CAMKMT: variants seen among roughly 807,000 people sequenced by gnomAD.
The protein encoded by CAMKMT is calmodulin-lysine N-methyltransferase.
A neutral mutation model predicts 48.0 loss-of-function variants in CAMKMT; 53 were observed. That is an observed-to-expected ratio of 1.10 (90% confidence interval 0.89 to 1.39). The LOEUF is 1.39. Among genes scored for constraint, CAMKMT ranks in the 40% most tolerant of loss-of-function variants. The pLI is 0.00. For synonymous variants in CAMKMT, 165 were observed against 152.3 expected (o/e 1.08, Z -0.61); for missense variants, 428 against 402.7 (o/e 1.06, Z -0.54).
Position 44,580,602 on chromosome 2 carries a change from C to T in CAMKMT, c.377-123681C>T, listed in dbSNP as rs1270042265. Among the ~76,000 whole-genome samples the T allele has an allele frequency of 2.6e-5, 4 of 152,152 alleles. No individual in the cohort carries two copies. The East Asian group carries it at 5.8e-4, about 22-fold the overall frequency. Reference sequence around the variant, plus strand: ...TAGGGCCACTAACATAGAAAAATTTCTCAGCTACAGTGTCAAAAGAATAGG... The same window carrying T: ...TAGGGCCACTAACATAGAAAAATTTTTCAGCTACAGTGTCAAAAGAATAGG... On this transcript the variant is annotated intron_variant, in intron 3 of 10. Coordinates refer to ENST00000378494, the MANE Select transcript of CAMKMT (RefSeq NM_024766.5).
At chr2:44,746,191 G>A (rs1357106952) in intron 8 of CAMKMT, among the ~76,000 whole-genome samples, 1 of 152,162 alleles carries the variant, frequency 6.6e-6, no homozygotes, top group Non-Finnish European at 1.5e-5. Flanking sequence ...CAAATATTAG[G>A]TACATGGATT....
intron 7 of CAMKMT, among the ~76,000 whole-genome samples, chr2:44,728,700 A>C (rs1277095370): frequency 6.6e-6 from 1 of 152,160 alleles, no homozygotes; most frequent in East Asian, 1.9e-4. Context: ...ATTTGTATGC[A>C]TAGAGTTGTT....
intron 3 of CAMKMT, among the ~76,000 whole-genome samples, chr2:44,484,866 C>T (rs1247918599): frequency 6.6e-6 from 1 of 151,192 alleles, no homozygotes; most frequent in Non-Finnish European, 1.5e-5. Flanking sequence ...CAAATTCTTA[C>T]AAATCAACAG....
chr2:44,715,030 T>C (rs191694157), intron 6 of CAMKMT, among the ~76,000 whole-genome samples: 3 of 152,016 alleles, frequency 2.0e-5, no homozygotes, highest in Admixed American at 2.0e-4. Flanking sequence ...CCATCTCTAC[T>C]AAAGATACAA....
chr2:44,429,259 ATGTGTGTGTGTGTGTGTATG>A (rs1558606675), intron 3 of CAMKMT, among the ~76,000 whole-genome samples: 1 of 131,872 alleles, frequency 7.6e-6, no homozygotes. Flanking sequence ...TTTTATATAT[ATGTGTGTGTGTGTGTGTATG>A]TGTGTGTGTG....
intron 3 of CAMKMT, among the ~76,000 whole-genome samples, chr2:44,566,481 A>C (rs1248251529): frequency 6.6e-6 from 1 of 152,152 alleles, no homozygotes; most frequent in Non-Finnish European, 1.5e-5. Context: ...ATTTCTTTTC[A>C]GTCAGGCTGC....
chr2:44,493,105 C>A (rs1446525717), intron 3 of CAMKMT, among the ~76,000 whole-genome samples: 3 of 151,928 alleles, frequency 2.0e-5, no homozygotes, highest in Non-Finnish European at 4.4e-5. Context: ...CCATGCTGGC[C>A]AGGCTGGTCT....
intron 3 of CAMKMT, chr2:44,631,452 A>C (rs1357680200): frequency 3.4e-6 from 2 of 595,726 alleles, no homozygotes; most frequent in East Asian, 6.1e-5. Flanking sequence ...AAAGAGTTTA[A>C]ATAAGAAAAA....
intron 2 of CAMKMT, among the ~76,000 whole-genome samples, chr2:44,384,961 A>T (rs1680634544): frequency 6.6e-6 from 1 of 152,028 alleles, no homozygotes; most frequent in African/African-American, 2.4e-5. Flanking sequence ...TTGGCTATGC[A>T]GGTTCTTTTT....
intron 3 of CAMKMT, among the ~76,000 whole-genome samples, chr2:44,458,675 A>T (rs1040774906): frequency 6.6e-6 from 1 of 152,210 alleles, no homozygotes; most frequent in South Asian, 2.1e-4. Context: ...TTAATCCAAC[A>T]ACCAGCTTTT....
At chr2:44,644,106 C>G (rs1442777498) in intron 3 of CAMKMT, among the ~76,000 whole-genome samples, 4 of 152,176 alleles carry the variant, frequency 2.6e-5, no homozygotes, top group Non-Finnish European at 1.5e-5. Flanking sequence ...GTGCCATTAT[C>G]TAATTGCTCA....
At chr2:44,613,474 C>A (rs921075109) in intron 3 of CAMKMT, among the ~76,000 whole-genome samples, 1 of 152,154 alleles carries the variant, frequency 6.6e-6, no homozygotes, top group Non-Finnish European at 1.5e-5. Context: ...TTGGTCAGGA[C>A]TGTATGCTGT....
intron 3 of CAMKMT, among the ~76,000 whole-genome samples, chr2:44,443,163 CG>C (rs985757127): frequency 1.3e-5 from 2 of 152,076 alleles, no homozygotes; most frequent in Admixed American, 1.3e-4. Flanking sequence ...AAAAAATGTT[CG>C]TATCATTTGG....
chr2:44,766,088 G>A (rs1354956113), intron 9 of CAMKMT, among the ~76,000 whole-genome samples: 1 of 152,178 alleles, frequency 6.6e-6, no homozygotes. Context: ...GCACTGCCCT[G>A]GACCAGTTAC....
intron 3 of CAMKMT, among the ~76,000 whole-genome samples, chr2:44,524,916 T>A (rs1457912684): frequency 2.0e-5 from 3 of 152,080 alleles, no homozygotes; most frequent in Non-Finnish European, 4.4e-5. Flanking sequence ...TAAGATCTTT[T>A]GTTTTTACTT....
chr2:44,705,051 G>A (rs1677475973), intron 4 of CAMKMT, among the ~76,000 whole-genome samples: 1 of 151,964 alleles, frequency 6.6e-6, no homozygotes, highest in Non-Finnish European at 1.5e-5. Context: ...TATACTTCCT[G>A]AATAGCTCAT....
At chr2:44,470,077 C>G (rs551528301) in intron 3 of CAMKMT, among the ~76,000 whole-genome samples, 1 of 150,950 alleles carries the variant, frequency 6.6e-6, no homozygotes, top group East Asian at 1.9e-4. Context: ...TTTTTTCTCT[C>G]TAATAAGAAC....
chr2:44,611,907 A>G (rs2103898748), intron 3 of CAMKMT, among the ~76,000 whole-genome samples: 1 of 152,142 alleles, frequency 6.6e-6, no homozygotes, highest in South Asian at 2.1e-4. Context: ...TCAGAGCAAG[A>G]GCTCACTTAT....
chr2:44,495,250 C>A (rs1435554925), intron 3 of CAMKMT, among the ~76,000 whole-genome samples: 1 of 152,158 alleles, frequency 6.6e-6, no homozygotes, highest in Non-Finnish European at 1.5e-5. Context: ...AAGCAATCCT[C>A]CTGCCTACGC....
Sources: allele counts gnomAD v4.1 joint callset (sites outside exome capture counted in the v4.1 genomes callset), GRCh38; gene constraint gnomAD v4.1.1; transcripts MANE v1.5; gene names NCBI Gene and HGNC (gene_info 2026-07-23, HGNC 2026-07-21).